The following LRP1B variants were observed in gnomAD, a reference collection of about 807,000 sequenced individuals.
LRP1B encodes low-density lipoprotein receptor-related protein 1B.
LRP1B carries 217 observed loss-of-function variants against 556.6 expected under a neutral mutation model. That is an observed-to-expected ratio of 0.39 (90% confidence interval 0.35 to 0.44). The LOEUF (loss-of-function observed/expected upper bound fraction) is 0.44, where lower values mean the gene tolerates loss of function less well. Ranked by LOEUF, LRP1B falls within the 20% of genes least tolerant of loss-of-function variation. The pLI is 1.00. For missense variants in LRP1B, 5,053 were observed against 5,620.8 expected (o/e 0.90, Z 3.23); for synonymous variants, 2,047 against 1,865.8 (o/e 1.10, Z -2.50).
chr2:142,119,436 T>G (rs1285938678), intron 1 of LRP1B, among the ~76,000 whole-genome samples: 1 of 152,148 alleles, frequency 6.6e-6, no homozygotes, highest in Non-Finnish European at 1.5e-5. Flanking sequence ...GAGTGAGATA[T>G]TTTGGGGATT....
rs192076310 is a variant in LRP1B, at chr2:141,483,453, T to C, written c.206-2920A>G. ...TGCATGTGTCTTTGTAGCAGCATGA[T>C]TTATAATCCTTTGGGTATATAGCCA... is the stretch of plus-strand genomic sequence containing the variant. On this transcript the variant is annotated intron_variant, in intron 2 of 90. Transcript: ENST00000389484. 2.1e-3 allele frequency among the ~76,000 whole-genome samples: 232 copies of C among 112,746 alleles called. 32 individuals are homozygous for C. The highest frequency in any genetic ancestry group is 6.9e-3 in the African/African-American group (217 of 31,522). The allele number at this position is 112,746 out of a possible 152,430, so 74.0% of individuals were successfully genotyped here.
chr2:140,481,954 T>C (rs751160991), intron 59 of LRP1B, among the ~76,000 whole-genome samples: 3 of 152,188 alleles, frequency 2.0e-5, no homozygotes, highest in Non-Finnish European at 4.4e-5. Flanking sequence ...AAATATCTCT[T>C]GCCCTGTAGA....
chr2:141,571,370 C>T (rs1686522433), intron 2 of LRP1B, among the ~76,000 whole-genome samples: 1 of 143,302 alleles, frequency 7.0e-6, no homozygotes, highest in Admixed American at 6.9e-5. Flanking sequence ...CCAACAACAA[C>T]AGCATCAACA....
Position 141,290,170 on chromosome 2 carries a change from C to T in LRP1B, c.344-35529G>A, listed in dbSNP as rs182655602. Among the ~76,000 whole-genome samples the T allele has an allele frequency of 2.9e-4, 44 of 152,216 alleles. No homozygotes were observed. The East Asian group carries it at 7.9e-3, about 27-fold the overall frequency. ...AGAAGAGAAAGGATATTTAAACACC[C>T]TTTTATGGAAAATCTCCTCTATATT... On this transcript the variant is annotated intron_variant, in intron 3 of 90. Coordinates refer to ENST00000389484, the MANE Select transcript of LRP1B (RefSeq NM_018557.3).
intron 1 of LRP1B, among the ~76,000 whole-genome samples, chr2:141,884,308 G>A (rs539253611): frequency 2.1e-4 from 32 of 152,242 alleles, no homozygotes; most frequent in East Asian, 1.5e-3. Flanking sequence ...CCCAGAAGTC[G>A]AGACTGTAGT....
At chr2:141,134,174 T>C (rs1183234813) in intron 7 of LRP1B, among the ~76,000 whole-genome samples, 1 of 151,806 alleles carries the variant, frequency 6.6e-6, no homozygotes, top group Non-Finnish European at 1.5e-5. Context: ...AGTGATCCTC[T>C]GCTTGGCTCC....
At chr2:141,343,845 C>T (rs1231826852) in intron 3 of LRP1B, among the ~76,000 whole-genome samples, 1 of 152,166 alleles carries the variant, frequency 6.6e-6, no homozygotes, top group Non-Finnish European at 1.5e-5. Flanking sequence ...TTCTGCAGAT[C>T]TCCAAAGTTC....
chr2:141,809,457 A>G (rs1270700478), intron 2 of LRP1B, among the ~76,000 whole-genome samples: 2 of 152,070 alleles, frequency 1.3e-5, no homozygotes, highest in Non-Finnish European at 2.9e-5. Flanking sequence ...GGTTGCCTGA[A>G]GAGCACAGGT....
intron 32 of LRP1B, among the ~76,000 whole-genome samples, chr2:140,779,714 A>AAGT (rs1553531424): frequency 6.5e-4 from 88 of 136,306 alleles, no homozygotes; most frequent in African/African-American, 1.2e-3. Context: ...AAAAAAAAAA[A>AAGT]GTGTGTGTGT....
At chr2:140,947,166 T>C (rs1695571487) in intron 20 of LRP1B, among the ~76,000 whole-genome samples, 1 of 152,146 alleles carries the variant, frequency 6.6e-6, no homozygotes, top group South Asian at 2.1e-4. Flanking sequence ...CCGAATCTAT[T>C]ATAAAAATAA....
chr2:140,843,091 T>G (rs1420146768), intron 29 of LRP1B, among the ~76,000 whole-genome samples: 4 of 27,570 alleles, frequency 1.5e-4, no homozygotes, highest in Non-Finnish European at 2.4e-4. Flanking sequence ...GTTTGTTTTT[T>G]TTTTTTTTGT....
At chr2:141,149,190 T>TTTTTG (rs1220156739) in intron 7 of LRP1B, among the ~76,000 whole-genome samples, 6 of 152,200 alleles carry the variant, frequency 3.9e-5, no homozygotes, top group South Asian at 2.1e-4. Flanking sequence ...AAAAGGGTTT[T>TTTTTG]TTTTGTTTTG....
At chr2:140,577,528 C>T (rs1411682890) in intron 43 of LRP1B, among the ~76,000 whole-genome samples, 1 of 151,856 alleles carries the variant, frequency 6.6e-6, no homozygotes, top group African/African-American at 2.4e-5. Context: ...GCGATCTTCC[C>T]ACCTCAGCCT....
intron 86 of LRP1B, chr2:140,269,510 C>T (rs1227256327): frequency 2.6e-6 from 1 of 384,124 alleles, no homozygotes; most frequent in Admixed American, 3.0e-5. Context: ...GCACTTCTCT[C>T]TCAAACACAC....
intron 43 of LRP1B, among the ~76,000 whole-genome samples, chr2:140,542,206 CTTTTA>C (rs1243910799): frequency 1.3e-5 from 2 of 151,758 alleles, no homozygotes; most frequent in Admixed American, 6.6e-5. Flanking sequence ...TTCAAGTATA[CTTTTA>C]TTTAATTATT....
At chr2:140,308,020 A>G (rs909450292) in intron 83 of LRP1B, among the ~76,000 whole-genome samples, 3 of 151,930 alleles carry the variant, frequency 2.0e-5, no homozygotes, top group African/African-American at 7.2e-5. Flanking sequence ...TATAGAAATT[A>G]CTACCTATTT....
At chr2:141,932,293 T>A (rs1372773575) in intron 1 of LRP1B, among the ~76,000 whole-genome samples, 1 of 152,068 alleles carries the variant, frequency 6.6e-6, no homozygotes, top group Non-Finnish European at 1.5e-5. Context: ...ACATTAAAAG[T>A]ATTAAAGTAT....
At chr2:140,414,685 G>C (rs755310228) in intron 66 of LRP1B, among the ~76,000 whole-genome samples, 9 of 152,152 alleles carry the variant, frequency 5.9e-5, no homozygotes, top group East Asian at 5.8e-4. Context: ...TCTTAATCCT[G>C]TTATCTTTGT....
chr2:140,673,212 C>G (rs1313551272), intron 41 of LRP1B, among the ~76,000 whole-genome samples: 1 of 152,068 alleles, frequency 6.6e-6, no homozygotes, highest in Non-Finnish European at 1.5e-5. Flanking sequence ...AGTTAAATAC[C>G]AAAGTTCATT....
Sources: allele counts gnomAD v4.1 joint callset (sites outside exome capture counted in the v4.1 genomes callset), GRCh38; gene constraint gnomAD v4.1.1; transcripts MANE v1.5; gene names NCBI Gene and HGNC (gene_info 2026-07-23, HGNC 2026-07-21).